Variants in NFXL1 observed in about 807,000 individuals in gnomAD.
The protein encoded by NFXL1 is NF-X1-type zinc finger protein NFXL1.
A neutral mutation model predicts 123.3 loss-of-function variants in NFXL1; 66 were observed. That is an observed-to-expected ratio of 0.54 (90% CI 0.44 to 0.66). The LOEUF is 0.66. Ranked by LOEUF, NFXL1 falls within the 30% of genes least tolerant of loss-of-function variation. NFXL1 has a pLI of 0.00. For missense variants in NFXL1, 944 were observed against 1,125.6 expected (o/e 0.84, Z 2.31); for synonymous variants, 346 against 360.8 (o/e 0.96, Z 0.46).
At chr4:47,864,735 G>A (rs1447920900) in intron 18 of NFXL1, among the ~76,000 whole-genome samples, 2 of 152,176 alleles carry the variant, frequency 1.3e-5, no homozygotes, top group Non-Finnish European at 2.9e-5. Context: ...GCATGCAAAT[G>A]GTGGGGCAGG....
intron 3 of NFXL1, among the ~76,000 whole-genome samples, chr4:47,908,123 G>T (rs1444582118): frequency 6.6e-6 from 1 of 152,192 alleles, no homozygotes; most frequent in Non-Finnish European, 1.5e-5. Flanking sequence ...CGATCCTTCT[G>T]TCTGAAGACT....
Position 47,899,040 on chromosome 4 carries a change from C to G in NFXL1, c.907G>C (p.Ala303Pro). The change falls in exon 7 of 23, where the codon GCC becomes CCC. Residue 303 changes from alanine to proline, a missense_variant. By Grantham distance (27) the Ala-to-Pro change is conservative (BLOSUM62 -1). Transcript: ENST00000507489. ...KAKPIPRRCSAKEWSCQLPCG... is the reference protein window; with the variant it reads ...KAKPIPRRCSPKEWSCQLPCG... ...GGCAGCTGACAAGACCATTCCTTGGCACTGCACCTACGAGGGATAGGTTTT... is the reference window on the plus strand; with the variant it reads ...GGCAGCTGACAAGACCATTCCTTGGGACTGCACCTACGAGGGATAGGTTTT... The G allele has an allele frequency of 1.2e-6, 2 of 1,612,600 alleles. No homozygotes were observed. Among genetic ancestry groups the G allele is most frequent in the Non-Finnish European group, 1.7e-6 (2 of 1,179,778 alleles).
At position 47,914,453 on chromosome 4, in the gene NFXL1, G is replaced by T; in HGVS notation, c.-91C>A. 1 of 444,298 alleles carries T rather than the reference G, an allele frequency of 2.3e-6. No homozygotes were observed. Among genetic ancestry groups the T allele is most frequent in the Non-Finnish European group, 4.0e-6 (1 of 249,122 alleles). The allele number at this position is 444,298 out of a possible 1,614,324, so 27.5% of individuals were successfully genotyped here. On this transcript the variant is annotated 5_prime_UTR_variant, in exon 1 of 23. Coordinates refer to ENST00000507489, the MANE Select transcript of NFXL1 (RefSeq NM_001278624.2). ...GGTACAGAAATAAACCGCGGAGCAA[G>T]AAGCACACAGTGCCGAAGACAGAAA... is the stretch of plus-strand genomic sequence containing the variant.
rs1454523089 is a variant in NFXL1 at position 47,878,659 on chromosome 4, G to A, written c.1945C>T (p.Pro649Ser). The A allele has an allele frequency of 6.5e-7, 1 of 1,539,626 alleles. No homozygotes were observed. Among genetic ancestry groups the A allele is most frequent in the Non-Finnish European group, 8.7e-7 (1 of 1,147,164 alleles). ...MECLGKHEVS[P>S]LPCHAVGPYS... ...GGTCCTACAGCATGGCATGGTAGTG[G>A]ACTCACCTTAAAAAATAAAGGAAAT... The change falls in exon 17 of 23, where the codon CCA becomes TCA. Residue 649 changes from proline (P) to serine (S), a missense_variant. Physicochemically the swap from Pro to Ser is moderately conservative, Grantham distance 74. Transcript: ENST00000507489.
Position 47,914,005 on chromosome 4 carries a change from C to A in NFXL1, c.199G>T (p.Ala67Ser). The A allele has an allele frequency of 3.9e-6, 6 of 1,548,108 alleles. No individual in the cohort carries two copies. Among genetic ancestry groups the A allele is most frequent in the Non-Finnish European group, 5.2e-6 (6 of 1,146,758 alleles). ...GTAGTCTGCAGGGCTTGGGATCCTG[C>A]GGGGCTGTGCCTGCTCCCTGCAGCC... ...TAAAGSRHSP[A>S]GSQALQTTAA... Residue 67 changes from alanine to serine, a missense_variant, in exon 2 of 23, where the codon GCA becomes TCA. Around this residue, in one of 4 missense-constraint regions of NFXL1, gnomAD observed 303 missense variants for 292.1 expected, o/e 1.04. Transcript: ENST00000507489.
chr4:47,851,058 G>A, intron 22 of NFXL1, 37 bp downstream of exon 22: 2 of 1,489,674 alleles, frequency 1.3e-6, no homozygotes, highest in Non-Finnish European at 1.9e-6. Context: ...TAGCAATGAT[G>A]CTAAGAGACA....
chr4:47,862,400 T>C (rs2110044351), intron 19 of NFXL1, among the ~76,000 whole-genome samples: 1 of 152,336 alleles, frequency 6.6e-6, no homozygotes, highest in African/African-American at 2.4e-5. Flanking sequence ...ATCTTCAAAA[T>C]GCTGTGGATA....
chr4:47,879,017 T>G (rs2110070907), intron 16 of NFXL1, 79 bp downstream of exon 16: 1 of 825,748 alleles, frequency 1.2e-6, no homozygotes, highest in East Asian at 2.8e-5. Flanking sequence ...TTGTTATTTC[T>G]AACAACTCTA....
At chr4:47,908,398 T>C (rs898373155) in intron 3 of NFXL1, among the ~76,000 whole-genome samples, 1 of 146,084 alleles carries the variant, frequency 6.8e-6, no homozygotes, top group African/African-American at 2.6e-5. Flanking sequence ...CACTCCAGCC[T>C]GGGCAATAGA....
chr4:47,876,578 T>TGA (rs1209736697), intron 17 of NFXL1, among the ~76,000 whole-genome samples: 1 of 152,154 alleles, frequency 6.6e-6, no homozygotes, highest in Non-Finnish European at 1.5e-5. Context: ...ACTGAGCCTT[T>TGA]ACAGGCCATT....
intron 12 of NFXL1, among the ~76,000 whole-genome samples, chr4:47,887,484 T>C (rs1272556164): frequency 3.3e-5 from 5 of 152,206 alleles, no homozygotes; most frequent in African/African-American, 1.2e-4. Flanking sequence ...ATAACATTTA[T>C]TATACAAAAC....
intron 15 of NFXL1, among the ~76,000 whole-genome samples, chr4:47,883,550 A>T (rs1261168880): frequency 1.3e-5 from 2 of 152,116 alleles, no homozygotes; most frequent in Admixed American, 6.5e-5. Flanking sequence ...TACAGACTAA[A>T]ATTACCCTAT....
chr4:47,865,444 T>C (rs1348942451), intron 18 of NFXL1, among the ~76,000 whole-genome samples: 2 of 147,476 alleles, frequency 1.4e-5, no homozygotes, highest in Non-Finnish European at 3.0e-5. Flanking sequence ...ACAGCACAAC[T>C]AGAAGACACA....
chr4:47,886,092 G>A (rs1736412587), intron 12 of NFXL1, 93 bp from the exon 13 acceptor site: 2 of 1,076,942 alleles, frequency 1.9e-6, no homozygotes, highest in Non-Finnish European at 2.7e-6. Context: ...TCACACAATG[G>A]GATACTCTAC....
chr4:47,854,483 T>C (rs908679065), intron 20 of NFXL1, among the ~76,000 whole-genome samples: 5 of 152,118 alleles, frequency 3.3e-5, no homozygotes, highest in East Asian at 3.8e-4. Flanking sequence ...ATATAGTTTG[T>C]TTCCATCAGG....
Position 47,911,059 on chromosome 4 carries a change from T to C in NFXL1, c.236-65A>G, listed in dbSNP as rs1489484408. ...TCTCAAAAAGAAAAGCATAATGTGC[T>C]AATATATCATTTTACAACACACATT... On this transcript the variant is annotated intron_variant, in intron 2 of 22. Transcript: ENST00000507489. 4 of 900,830 alleles carry C rather than the reference T, an allele frequency of 4.4e-6. No homozygotes were observed. In the African/African-American group the frequency reaches 6.8e-5, roughly 15 times the overall value. The allele number at this position is 900,830 out of a possible 1,614,324, so 55.8% of individuals were successfully genotyped here.
chr4:47,891,326 G>T (rs1289589467), intron 11 of NFXL1, among the ~76,000 whole-genome samples: 3 of 151,994 alleles, frequency 2.0e-5, no homozygotes, highest in African/African-American at 4.8e-5. Flanking sequence ...TGCCCAGGCT[G>T]CTCTCAAACT....
At position 47,899,088 on chromosome 4, in the gene NFXL1, T is replaced by C. The variant is rs749538580; in HGVS notation, c.859A>G (p.Thr287Ala). The C allele has an allele frequency of 5.0e-6, 8 of 1,609,816 alleles. No individual in the cohort carries two copies. The highest frequency in any genetic ancestry group is 2.2e-5 in the East Asian group (1 of 44,718). The change falls in exon 7 of 23, where the codon ACT (threonine) becomes GCT (alanine). Residue 287 changes from threonine to alanine, a missense_variant. Thr to Ala is a moderately conservative substitution (Grantham distance 58, BLOSUM62 0). Around this residue, in one of 4 missense-constraint regions of NFXL1, gnomAD observed 296 missense variants for 395.1 expected, o/e 0.75. Coordinates refer to ENST00000507489, the MANE Select transcript of NFXL1 (RefSeq NM_001278624.2). ...TTTGCTTTCTTACAGTAACAAGTAGTTGTGACCATCTTTGGACAAGGAGGG... is the reference window on the plus strand; with the variant it reads ...TTTGCTTTCTTACAGTAACAAGTAGCTGTGACCATCTTTGGACAAGGAGGG... ...PCPPCPKMVT[T>A]TCYCKKAKPI... is the part of the protein sequence containing the mutation.
chr4:47,912,919 C>G (rs1430432815), intron 2 of NFXL1, among the ~76,000 whole-genome samples: 4 of 148,068 alleles, frequency 2.7e-5, no homozygotes, highest in African/African-American at 9.9e-5. Context: ...AGGCTGAGGC[C>G]GGAGAACGGC....
Sources: gnomAD v4.1 joint callset for allele counts (sites outside exome capture counted in the v4.1 genomes callset) on GRCh38, gnomAD v4.1.1 for gene constraint, gnomAD v4.1.1 regional missense constraint, MANE v1.5 for transcripts, NCBI Gene and HGNC (gene_info 2026-07-23, HGNC 2026-07-21) for gene names.